The following TBC1D1 variants were observed in gnomAD, a reference collection of about 807,000 sequenced individuals.
The protein encoded by TBC1D1 is TBC1 domain family member 1.
Under a neutral mutation model 125.6 loss-of-function variants are expected in TBC1D1, and 89 were observed. The observed-to-expected ratio is 0.71, with a 90% CI of 0.60 to 0.85. The LOEUF (loss-of-function observed/expected upper bound fraction) is 0.85, where lower values mean the gene tolerates loss of function less well. Among genes scored for constraint, TBC1D1 ranks in the 40% least tolerant of loss-of-function variants. The pLI is 0.00. For synonymous variants in TBC1D1, 565 were observed against 564.1 expected, an observed-to-expected ratio of 1.00 and a Z score of -0.02; for missense variants, 1,377 against 1,469.2, an observed-to-expected ratio of 0.94 and a Z score of 1.03.
Position 38,045,920 on chromosome 4 carries a change from T to C in TBC1D1, c.1629+17T>C. 6.2e-7 allele frequency: 1 copy of C among 1,607,258 alleles called. No homozygotes were observed. The highest frequency in any genetic ancestry group is 8.5e-7 in the Non-Finnish European group (1 of 1,173,790). On this transcript the variant is annotated intron_variant, in intron 10 of 19. Coordinates refer to ENST00000261439, the MANE Select transcript of TBC1D1 (RefSeq NM_015173.4). The stretch of plus-strand genomic sequence containing the variant: ...ACCAGCAAAGTAAGCACATTTCTCT[T>C]TATACGACACCCTGAAGAAACCAAC...
chr4:38,052,582 GC>G (rs1750820935), intron 11 of TBC1D1, among the ~76,000 whole-genome samples: 1 of 152,002 alleles, frequency 6.6e-6, no homozygotes, highest in South Asian at 2.1e-4. Flanking sequence ...TGATCCGCCT[GC>G]CTCAGTCTCC....
Position 38,137,326 on chromosome 4 carries a change from G to T in TBC1D1, c.3498G>T (p.Thr1166=). 1 of 1,610,270 alleles carries T rather than the reference G, an allele frequency of 6.2e-7. No individual in the cohort carries two copies. Among genetic ancestry groups the T allele is most frequent in the Non-Finnish European group, 8.5e-7 (1 of 1,179,296 alleles). ...CTGAGTGCACGCAGCCCGAGCCCAC[G>T]GGCGACTGACAGCTCTGCAGGAGAG... The change falls in exon 20 of 20, where the codon ACG becomes ACT. Residue 1166 remains threonine (T), a synonymous_variant. Transcript: ENST00000261439.
intron 3 of TBC1D1, among the ~76,000 whole-genome samples, 191 bp downstream of exon 3, chr4:38,015,164 G>A (rs1742433941): frequency 6.6e-6 from 1 of 152,134 alleles, no homozygotes; most frequent in Non-Finnish European, 1.5e-5. Context: ...AGTCATCAGG[G>A]AGAAACATGC....
rs1757121855 is a variant in TBC1D1, at chr4:38,084,405, C to T, written c.2051-5527C>T. ...TGAATCTGTTCATTCATTGAATATT[C>T]CATGCATATCTGCTGTTTCCCAGGC... On this transcript the variant is annotated intron_variant, in intron 12 of 19. Transcript: ENST00000261439. Among the ~76,000 whole-genome samples, 5 of 152,230 alleles carry T rather than the reference C, an allele frequency of 3.3e-5. No individual in the cohort carries two copies. The South Asian group carries it at 8.3e-4, about 25-fold the overall frequency.
chr4:38,000,184 C>T (rs1317459403), intron 2 of TBC1D1, among the ~76,000 whole-genome samples: 1 of 152,148 alleles, frequency 6.6e-6, no homozygotes, highest in Non-Finnish European at 1.5e-5. Flanking sequence ...AATACATATG[C>T]ACCATGGTCC....
intron 10 of TBC1D1, among the ~76,000 whole-genome samples, chr4:38,048,320 A>G (rs906861008): frequency 6.6e-6 from 1 of 152,200 alleles, no homozygotes; most frequent in African/African-American, 2.4e-5. Context: ...GATATTAGTA[A>G]GAATTTAGAT....
chr4:38,007,050 A>G, intron 2 of TBC1D1: 1 of 391,788 alleles, frequency 2.6e-6, no homozygotes, highest in Non-Finnish European at 5.1e-6. Flanking sequence ...GACTTCACCA[A>G]ATAGCTGAGC....
At chr4:37,986,651 G>A (rs1390631681) in intron 2 of TBC1D1, among the ~76,000 whole-genome samples, 1 of 152,088 alleles carries the variant, frequency 6.6e-6, no homozygotes, top group Non-Finnish European at 1.5e-5. Flanking sequence ...TCGCCATGTT[G>A]GCCAGGTTGG....
In TBC1D1 at chr4:38,127,046, G is replaced by C. The variant is rs150420738; in HGVS notation, c.3132+1915G>C. On this transcript the variant is annotated intron_variant, in intron 18 of 19. Coordinates refer to ENST00000261439, the MANE Select transcript of TBC1D1 (RefSeq NM_015173.4). Reference sequence around the variant, plus strand: ...TTGCATGTACTTACTTACATTTACAGCTTCTAGGGCAGACCCCCGAGAGCC... The same window carrying C: ...TTGCATGTACTTACTTACATTTACACCTTCTAGGGCAGACCCCCGAGAGCC... Among the ~76,000 whole-genome samples, 180 of 139,086 alleles carry C rather than the reference G, an allele frequency of 1.3e-3. 1 individual carries two copies. Among genetic ancestry groups the C allele is most frequent in the African/African-American group, 4.6e-3 (169 of 37,082 alleles). 91.2% of individuals were successfully genotyped at this position (139,086 alleles called of 152,430 possible).
intron 19 of TBC1D1, among the ~76,000 whole-genome samples, chr4:38,136,813 C>T (rs1209268487): frequency 2.6e-5 from 4 of 152,128 alleles, no homozygotes; most frequent in Admixed American, 1.3e-4. Flanking sequence ...TGGCCCTATC[C>T]AAGCTGTCCC....
chr4:37,956,343 C>A (rs1276421137), intron 2 of TBC1D1, among the ~76,000 whole-genome samples: 9 of 152,062 alleles, frequency 5.9e-5, no homozygotes, highest in African/African-American at 2.2e-4. Context: ...TACACTATGC[C>A]ATTTAAAAAT....
At chr4:38,001,048 G>A (rs1256159907) in intron 2 of TBC1D1, among the ~76,000 whole-genome samples, 4 of 152,030 alleles carry the variant, frequency 2.6e-5, no homozygotes, top group Non-Finnish European at 5.9e-5. Context: ...GTGAAACTCC[G>A]TCTCTACTAA....
chr4:38,135,732 C>G (rs658349), intron 19 of TBC1D1, among the ~76,000 whole-genome samples: 45,648 of 151,968 alleles, frequency 0.3, 7,010 homozygotes, highest in Middle Eastern at 0.36. Context: ...GTCCCTTTTT[C>G]ATATTTTGGG....
At chr4:38,124,297 C>T (rs904908849) in intron 17 of TBC1D1, among the ~76,000 whole-genome samples, 4 of 152,166 alleles carry the variant, frequency 2.6e-5, no homozygotes, top group Non-Finnish European at 4.4e-5. Flanking sequence ...TTGCCTTGGC[C>T]GGTGCCCTCC....
chr4:37,968,530 A>G (rs1302138070), intron 2 of TBC1D1, among the ~76,000 whole-genome samples: 2 of 152,272 alleles, frequency 1.3e-5, no homozygotes, highest in African/African-American at 2.4e-5. Flanking sequence ...TGACATGGAT[A>G]TATCAAGGTA....
At chr4:38,034,362 T>C (rs1216448792) in intron 7 of TBC1D1, among the ~76,000 whole-genome samples, 1 of 152,256 alleles carries the variant, frequency 6.6e-6, no homozygotes, top group African/African-American at 2.4e-5. Flanking sequence ...AAATATTTAA[T>C]ATTTCAGTCC....
intron 8 of TBC1D1, among the ~76,000 whole-genome samples, chr4:38,036,131 T>C (rs1747165350): frequency 6.6e-6 from 1 of 152,242 alleles, no homozygotes; most frequent in Admixed American, 6.5e-5. Flanking sequence ...GATACAATGT[T>C]GGCAAGCCTG....
intron 2 of TBC1D1, among the ~76,000 whole-genome samples, chr4:38,013,626 T>C (rs1022850207): frequency 5.3e-5 from 8 of 152,214 alleles, no homozygotes; most frequent in Non-Finnish European, 1.0e-4. Flanking sequence ...TGCACAGCTG[T>C]TTCATTCACT....
intron 12 of TBC1D1, among the ~76,000 whole-genome samples, chr4:38,083,968 C>T (rs1436477437): frequency 3.6e-5 from 5 of 138,668 alleles, no homozygotes; most frequent in South Asian, 4.8e-4. Flanking sequence ...GACAGAGTCT[C>T]GCTCTGTCGC....
Sources: allele counts gnomAD v4.1 joint callset (sites outside exome capture counted in the v4.1 genomes callset), GRCh38; gene constraint gnomAD v4.1.1; transcripts MANE v1.5; gene names NCBI Gene and HGNC (gene_info 2026-07-23, HGNC 2026-07-21).